TPRG1: variants seen among roughly 807,000 people sequenced by gnomAD.
The protein encoded by TPRG1 is tumor protein p63-regulated gene 1 protein.
TPRG1 carries 29 observed loss-of-function variants against 29.3 expected under a neutral mutation model. That is an observed-to-expected ratio of 0.99 (90% confidence interval 0.74 to 1.35). The LOEUF is 1.35. Among genes scored for constraint, TPRG1 ranks in the 40% most tolerant of loss-of-function variants. The pLI is 0.00. For missense variants in TPRG1, 327 were observed against 335.0 expected (o/e 0.98, Z 0.19); for synonymous variants, 130 against 116.8 (o/e 1.11, Z -0.73).
At chr3:189,059,769 T>A (rs1222116506) in intron 4 of TPRG1, among the ~76,000 whole-genome samples, 2 of 152,178 alleles carry the variant, frequency 1.3e-5, no homozygotes, top group Non-Finnish European at 2.9e-5. Flanking sequence ...ACCTTGATAG[T>A]CTGGAATGAA....
intron 2 of TPRG1, among the ~76,000 whole-genome samples, chr3:189,127,730 A>G (rs1446931615): frequency 1.3e-5 from 2 of 152,192 alleles, no homozygotes; most frequent in South Asian, 4.1e-4. Flanking sequence ...TAAACTCACA[A>G]AAGAGATGGC....
At chr3:189,159,218 C>T (rs947723594) in intron 5 of TPRG1, among the ~76,000 whole-genome samples, 1 of 152,038 alleles carries the variant, frequency 6.6e-6, no homozygotes, top group African/African-American at 2.4e-5. Context: ...TTGAGCCATA[C>T]ACATAAAAAA....
chr3:189,161,907 G>T (rs1423321934), intron 5 of TPRG1, among the ~76,000 whole-genome samples: 1 of 152,224 alleles, frequency 6.6e-6, no homozygotes, highest in East Asian at 1.9e-4. Context: ...CTTCATGGAG[G>T]AGGTAACTTT....
At chr3:189,069,576 A>C (rs1716684633) in intron 4 of TPRG1, among the ~76,000 whole-genome samples, 1 of 152,218 alleles carries the variant, frequency 6.6e-6, no homozygotes, top group Non-Finnish European at 1.5e-5. Flanking sequence ...GATCTAAAAC[A>C]AAAATGTTTA....
At chr3:189,305,297 G>A (rs1294966058) in intron 4 of TPRG1, among the ~76,000 whole-genome samples, 1 of 152,214 alleles carries the variant, frequency 6.6e-6, no homozygotes, top group Non-Finnish European at 1.5e-5. Context: ...TCAGACTGAG[G>A]ACTGACTGGC....
At chr3:189,210,040 A>G (rs1248863824) in intron 2 of TPRG1, among the ~76,000 whole-genome samples, 3 of 152,204 alleles carry the variant, frequency 2.0e-5, no homozygotes, top group African/African-American at 7.2e-5. Flanking sequence ...AACTTAAAAA[A>G]AAAGATCCAG....
At chr3:189,085,470 T>C (rs1717878761) in intron 4 of TPRG1, among the ~76,000 whole-genome samples, 1 of 152,100 alleles carries the variant, frequency 6.6e-6, no homozygotes, top group Admixed American at 6.6e-5. Context: ...TGTGTGTGTG[T>C]GTGTATTATG....
chr3:189,129,095 T>G (rs867999865), intron 2 of TPRG1, among the ~76,000 whole-genome samples: 1 of 152,242 alleles, frequency 6.6e-6, no homozygotes. Flanking sequence ...TACTATTCAC[T>G]AAAGTATGGA....
chr3:189,261,307 TGG>T (rs1712990936), intron 4 of TPRG1, among the ~76,000 whole-genome samples: 2 of 152,036 alleles, frequency 1.3e-5, no homozygotes, highest in Non-Finnish European at 2.9e-5. Context: ...TGGTGGAAGC[TGG>T]CATTTTGTTG....
intron 3 of TPRG1, among the ~76,000 whole-genome samples, chr3:189,218,451 C>T (rs1736431502): frequency 6.6e-6 from 1 of 152,158 alleles, no homozygotes; most frequent in South Asian, 2.1e-4. Flanking sequence ...AATGACTGAG[C>T]TTCATGCATA....
chr3:189,086,641 C>A (rs1468855359), intron 4 of TPRG1, among the ~76,000 whole-genome samples: 1 of 151,966 alleles, frequency 6.6e-6, no homozygotes, highest in Non-Finnish European at 1.5e-5. Flanking sequence ...GATTCTCCTG[C>A]CTCAGCCTCC....
At chr3:189,039,898 A>G (rs112556695) in intron 4 of TPRG1, among the ~76,000 whole-genome samples, 114 of 151,948 alleles carry the variant, frequency 7.5e-4, no homozygotes, top group African/African-American at 2.3e-3. Context: ...AGTAGCCTCT[A>G]AAGTTAAGTA....
In TPRG1 at chr3:189,087,938, C is replaced by T. The variant is rs567325997; in HGVS notation, c.-462-39119C>T. The stretch of plus-strand genomic sequence containing the variant: ...TGTAGTATAGTTTGAAGTCAGGTAG[C>T]ATGATGCCTCCAGCTTTGTTCTTTT... On this transcript the variant is annotated intron_variant, in intron 4 of 10. Transcript: ENST00000433971. 1.1e-4 allele frequency among the ~76,000 whole-genome samples: 16 copies of T among 152,252 alleles called. No individual in the cohort carries two copies. The South Asian group carries it at 2.7e-3, about 26-fold the overall frequency.
rs181317812 is a variant in TPRG1 at position 189,072,156 on chromosome 3, C to T, written c.-463+48210C>T. 1.3e-3 allele frequency among the ~76,000 whole-genome samples: 198 copies of T among 152,210 alleles called. 1 individual carries two copies. Among genetic ancestry groups the T allele is most frequent in the African/African-American group, 4.7e-3 (194 of 41,536 alleles). ...GGAGGAGCAGGCATAATAAATGGGC[C>T]CATCATTTAAGGATTTCCCTTCTTT... is the stretch of plus-strand genomic sequence containing the variant. On this transcript the variant is annotated intron_variant, in intron 4 of 10. Transcript: ENST00000433971.
At chr3:189,301,025 C>A (rs141916446) in intron 4 of TPRG1, among the ~76,000 whole-genome samples, 1 of 151,976 alleles carries the variant, frequency 6.6e-6, no homozygotes, top group Non-Finnish European at 1.5e-5. Flanking sequence ...GTGCTGGGCA[C>A]GGTGGCTCAT....
chr3:189,176,480 A>G (rs568850812), intron 1 of TPRG1, among the ~76,000 whole-genome samples: 3 of 152,240 alleles, frequency 2.0e-5, no homozygotes, highest in Admixed American at 6.5e-5. Flanking sequence ...TCTTTATTCA[A>G]GGAGCTTATA....
chr3:189,220,985 TACTC>T (rs1412632332), intron 3 of TPRG1, among the ~76,000 whole-genome samples: 7 of 152,200 alleles, frequency 4.6e-5, no homozygotes, highest in Non-Finnish European at 2.9e-5. Flanking sequence ...TTTATAAAGT[TACTC>T]AATCATTCAC....
At chr3:189,287,046 T>C (rs1265140477) in intron 4 of TPRG1, among the ~76,000 whole-genome samples, 1 of 152,086 alleles carries the variant, frequency 6.6e-6, no homozygotes, top group East Asian at 1.9e-4. Flanking sequence ...CAGCAGGGCC[T>C]CACCCTCCTT....
intron 5 of TPRG1, among the ~76,000 whole-genome samples, chr3:189,312,793 A>C (rs1341789325): frequency 2.0e-5 from 3 of 152,246 alleles, no homozygotes; most frequent in African/African-American, 7.2e-5. Context: ...AAATACCCAC[A>C]AATGGAATTA....
Sources: gnomAD v4.1 joint callset for allele counts (sites outside exome capture counted in the v4.1 genomes callset) on GRCh38, gnomAD v4.1.1 for gene constraint, MANE v1.5 for transcripts, NCBI Gene and HGNC (gene_info 2026-07-23, HGNC 2026-07-21) for gene names.